PDE3B: variants seen among roughly 807,000 people sequenced by gnomAD.
The protein encoded by PDE3B is cGMP-inhibited 3',5'-cyclic phosphodiesterase 3B.
PDE3B carries 66 observed loss-of-function variants against 116.8 expected under a neutral mutation model. That is an observed-to-expected ratio of 0.56 (90% CI 0.46 to 0.69). PDE3B has a LOEUF of 0.69. PDE3B is among the 30% of genes least tolerant of loss of function. The pLI, the probability that PDE3B is intolerant of heterozygous loss-of-function variation, is 0.00. For missense variants in PDE3B, 1,384 were observed against 1,368.1 expected (o/e 1.01, Z -0.18); for synonymous variants, 595 against 533.6 (o/e 1.12, Z -1.59).
At chr11:14,685,639 A>G (rs1708748402) in intron 1 of PDE3B, among the ~76,000 whole-genome samples, 1 of 151,712 alleles carries the variant, frequency 6.6e-6, no homozygotes, top group African/African-American at 2.4e-5. Flanking sequence ...TATTTTTAGT[A>G]GAGACAGGGT....
At chr11:14,861,815 A>G (rs572500638) in intron 14 of PDE3B, among the ~76,000 whole-genome samples, 1 of 152,324 alleles carries the variant, frequency 6.6e-6, no homozygotes, top group South Asian at 2.1e-4. Flanking sequence ...CGGGCAACCT[A>G]AGAGATCAAG....
intron 1 of PDE3B, among the ~76,000 whole-genome samples, chr11:14,747,321 A>T (rs552067761): frequency 6.6e-6 from 1 of 152,326 alleles, no homozygotes; most frequent in African/African-American, 2.4e-5. Flanking sequence ...GTTTTGTTTC[A>T]GAGTGAATGA....
At chr11:14,812,523 T>C (rs1357715672) in intron 5 of PDE3B, among the ~76,000 whole-genome samples, 1 of 152,100 alleles carries the variant, frequency 6.6e-6, no homozygotes, top group East Asian at 1.9e-4. Flanking sequence ...AAATTAAAAA[T>C]CTGTTAAGCT....
chr11:14,657,704 C>T (rs1010891529), intron 1 of PDE3B, among the ~76,000 whole-genome samples: 1 of 152,006 alleles, frequency 6.6e-6, no homozygotes, highest in Non-Finnish European at 1.5e-5. Flanking sequence ...GCTATAAAGG[C>T]TATGAAAAAG....
At chr11:14,724,686 A>G (rs905015329) in intron 1 of PDE3B, among the ~76,000 whole-genome samples, 1 of 152,228 alleles carries the variant, frequency 6.6e-6, no homozygotes, top group African/African-American at 2.4e-5. Flanking sequence ...CAGGCCAGAG[A>G]TAAGAATGTT....
intron 1 of PDE3B, among the ~76,000 whole-genome samples, chr11:14,747,189 A>G (rs551108381): frequency 6.6e-6 from 1 of 152,158 alleles, no homozygotes; most frequent in South Asian, 2.1e-4. Flanking sequence ...ATGCTAACCC[A>G]TTCATGAAGG....
chr11:14,649,318 A>G (rs758902625), intron 1 of PDE3B, among the ~76,000 whole-genome samples: 3 of 152,208 alleles, frequency 2.0e-5, no homozygotes, highest in Non-Finnish European at 4.4e-5. Context: ...AAATGTTGGT[A>G]TAGATATATA....
chr11:14,644,500 G>A lies in PDE3B; in HGVS notation c.425G>A (p.Gly142Glu), dbSNP rs1226306391. The A allele has an allele frequency of 1.2e-6, 2 of 1,611,462 alleles. No individual in the cohort carries two copies. Among genetic ancestry groups the A allele is most frequent in the Non-Finnish European group, 1.7e-6 (2 of 1,178,952 alleles). Reference protein sequence around the residue: ...LTCFLTRTKRGPGPGRSCGSW... With the variant: ...LTCFLTRTKREPGPGRSCGSW... ...TGCTTCCTCACCCGGACCAAGCGGG[G>A]ACCCGGCCCGGGCCGGAGCTGCGGC... Residue 142 changes from glycine to glutamate, a missense_variant, in exon 1 of 16, where the codon GGA becomes GAA. Physicochemically the swap from Gly to Glu is moderately conservative, Grantham distance 98 (BLOSUM62 -2). Transcript: ENST00000282096.
intron 1 of PDE3B, among the ~76,000 whole-genome samples, chr11:14,704,390 A>T (rs191083031): frequency 1.3e-5 from 2 of 151,936 alleles, no homozygotes; most frequent in East Asian, 1.9e-4. Flanking sequence ...AGATATTCTA[A>T]TACAAATCTC....
intron 12 of PDE3B, among the ~76,000 whole-genome samples, chr11:14,855,993 G>A (rs375174050): frequency 6.6e-6 from 1 of 152,142 alleles, no homozygotes; most frequent in African/African-American, 2.4e-5. Context: ...GAACTGATAC[G>A]GTTTGTCTCT....
intron 1 of PDE3B, among the ~76,000 whole-genome samples, chr11:14,664,855 C>G (rs1565080333): frequency 6.6e-6 from 1 of 152,162 alleles, no homozygotes; most frequent in Admixed American, 6.5e-5. Flanking sequence ...GGAGCTGGTA[C>G]CATTCCTCCT....
At chr11:14,696,378 A>G (rs1855208791) in intron 1 of PDE3B, among the ~76,000 whole-genome samples, 1 of 152,140 alleles carries the variant, frequency 6.6e-6, no homozygotes, top group South Asian at 2.1e-4. Flanking sequence ...AACTCCAAGC[A>G]GTTTCCCAAG....
intron 1 of PDE3B, among the ~76,000 whole-genome samples, chr11:14,711,940 T>C (rs893750140): frequency 2.0e-5 from 3 of 152,220 alleles, no homozygotes; most frequent in African/African-American, 7.2e-5. Context: ...TTTAAAATCA[T>C]CCTGCACACT....
chr11:14,878,676 G>C, the PDE3B span, among the ~76,000 whole-genome samples: 1 of 152,106 alleles, frequency 6.6e-6, no homozygotes, highest in African/African-American at 2.4e-5. Context: ...AGAGTTTCTA[G>C]TCCATCTTCC....
chr11:14,732,270 G>A (rs1036982512), intron 1 of PDE3B, among the ~76,000 whole-genome samples: 5 of 152,120 alleles, frequency 3.3e-5, no homozygotes, highest in African/African-American at 7.2e-5. Context: ...AAAAGCATAC[G>A]AAAGCAAGTG....
the PDE3B span, among the ~76,000 whole-genome samples, chr11:14,888,811 C>T: frequency 3.9e-5 from 6 of 152,238 alleles, no homozygotes; most frequent in South Asian, 2.1e-4. Context: ...TAAATTAATA[C>T]GCTGTCAATT....
chr11:14,819,516 C>T (rs1056630695), intron 7 of PDE3B, among the ~76,000 whole-genome samples: 5 of 152,024 alleles, frequency 3.3e-5, no homozygotes, highest in Non-Finnish European at 5.9e-5. Context: ...TAAATCCAAA[C>T]GGTTTTGCAT....
At chr11:14,885,971 T>A in the PDE3B span, 1 of 1,566,508 alleles carries the variant, frequency 6.4e-7, no homozygotes, top group East Asian at 2.2e-5. Flanking sequence ...TGGAGAAATA[T>A]AACCATGGAA....
At chr11:14,757,311 T>C (rs1164519668) in intron 1 of PDE3B, among the ~76,000 whole-genome samples, 3 of 149,060 alleles carry the variant, frequency 2.0e-5, no homozygotes, top group South Asian at 4.3e-4. Flanking sequence ...CCTTTGGGTA[T>C]ATACCCAGTA....
Sources: allele counts gnomAD v4.1 joint callset (sites outside exome capture counted in the v4.1 genomes callset), GRCh38; gene constraint gnomAD v4.1.1; transcripts MANE v1.5; gene names NCBI Gene and HGNC (gene_info 2026-07-23, HGNC 2026-07-21).